The following SCN10A variants were observed in gnomAD, a reference collection of about 807,000 sequenced individuals.
SCN10A encodes the protein sodium voltage-gated channel alpha subunit 10.
A neutral mutation model predicts 170.7 loss-of-function variants in SCN10A; 162 were observed. The ratio of observed to expected loss-of-function variants is 0.95; its 90% CI spans 0.84 to 1.08. The LOEUF is 1.08. SCN10A is among the 50% of genes least tolerant of loss of function. SCN10A has a pLI of 0.00. For synonymous variants in SCN10A, 985 were observed against 904.6 expected (o/e 1.09, Z -1.59); for missense variants, 2,527 against 2,436.9 (o/e 1.04, Z -0.78).
rs756036768 is a variant in SCN10A, at chr3:38,712,222, C to T, written c.4028G>A (p.Trp1343Ter). 1.9e-6 allele frequency: 3 copies of T among 1,614,222 alleles called. No homozygotes were observed. Among genetic ancestry groups the T allele is most frequent in the Admixed American group, 3.3e-5 (2 of 60,030 alleles). ...ATCAAAGTTGACTTTCACATTGACCCAGAAGAAGCTGCCAGTGGAGTTTTG... is the reference window on the plus strand; with the variant it reads ...ATCAAAGTTGACTTTCACATTGACCTAGAAGAAGCTGCCAGTGGAGTTTTG... ...KIQNSTGSFF[W>*]VNVKVNFDNV... The change falls in exon 23 of 28, where the codon TGG (tryptophan) becomes TAG (stop). Residue 1343 changes from tryptophan (W) to a stop codon, truncating the protein, a stop_gained. Coordinates refer to ENST00000449082, the MANE Select transcript of SCN10A (RefSeq NM_006514.4). LOFTEE classifies it high-confidence loss of function.
At chr3:38,796,238 A>G (rs1352911649) in intron 1 of SCN10A, among the ~76,000 whole-genome samples, 1 of 152,046 alleles carries the variant, frequency 6.6e-6, no homozygotes, top group Non-Finnish European at 1.5e-5. Flanking sequence ...GTGTCTGTCC[A>G]CAACCTGGGT....
chr3:38,744,524 G>A (rs2063667069), intron 13 of SCN10A, among the ~76,000 whole-genome samples: 1 of 147,666 alleles, frequency 6.8e-6, no homozygotes, highest in Non-Finnish European at 1.5e-5. Context: ...TATACTTTAA[G>A]TTTTAGGGTA....
At chr3:38,709,699 C>G (rs75074341) in intron 24 of SCN10A, 84 bp from the exon 25 acceptor site, 2 of 1,279,938 alleles carry the variant, frequency 1.6e-6, no homozygotes, top group East Asian at 2.7e-5. Context: ...AGACATGGAC[C>G]TGGGTGCAGG....
chr3:38,756,362 C>G (rs1254748409), intron 10 of SCN10A, among the ~76,000 whole-genome samples: 3 of 152,098 alleles, frequency 2.0e-5, no homozygotes, highest in South Asian at 2.1e-4. Flanking sequence ...AGGTCATGCC[C>G]CAGAGTTCCC....
chr3:38,698,105 G>A lies in SCN10A; in HGVS notation c.5115C>T (p.Tyr1705=). ...CCATGATGAGGAAGGAGATGATGAT[G>A]TAGGTGGTGAAGAAGATGATGCCTA... The part of the protein sequence containing the change: ...PAVGIIFFTT[Y]IIISFLIMVN... Residue 1705 remains tyrosine (Y), a synonymous_variant, in exon 28 of 28, where the codon TAC becomes TAT. Coordinates refer to ENST00000449082, the MANE Select transcript of SCN10A (RefSeq NM_006514.4). 6.2e-7 allele frequency: 1 copy of A among 1,614,110 alleles called. No homozygotes were observed. Among genetic ancestry groups the A allele is most frequent in the Non-Finnish European group, 8.5e-7 (1 of 1,179,966 alleles).
intron 18 of SCN10A, among the ~76,000 whole-genome samples, chr3:38,724,227 G>A (rs2125999110): frequency 6.6e-6 from 1 of 152,158 alleles, no homozygotes; most frequent in Non-Finnish European, 1.5e-5. Flanking sequence ...ACCCTGCTGT[G>A]GTCAGCCTTG....
At chr3:38,807,949 C>T (rs2064416011) in intron 1 of SCN10A, among the ~76,000 whole-genome samples, 1 of 151,992 alleles carries the variant, frequency 6.6e-6, no homozygotes. Context: ...TCTTTTTTGC[C>T]TACTTTCATA....
rs1053714307 is a variant in SCN10A, at chr3:38,738,424, G to A, written c.2280+1091C>T. Among the ~76,000 whole-genome samples the A allele has an allele frequency of 3.3e-5, 5 of 152,098 alleles. No individual in the cohort carries two copies. In the East Asian group the frequency reaches 5.8e-4, roughly 18 times the overall value. On this transcript the variant is annotated intron_variant, in intron 15 of 27. Coordinates refer to ENST00000449082, the MANE Select transcript of SCN10A (RefSeq NM_006514.4). ...AGTTTGCCACCCCTAATCCAGGTAC[G>A]CCAAGTTCAGGGGCTCAGCACTGTC...
At chr3:38,791,978 T>C (rs761316770) in intron 3 of SCN10A, 72 bp downstream of exon 3, 4 of 1,560,048 alleles carry the variant, frequency 2.6e-6, no homozygotes, top group Non-Finnish European at 2.6e-6. Flanking sequence ...TGCTAACCTC[T>C]AAAGAAGGTA....
chr3:38,755,216 A>G (rs545944280), intron 11 of SCN10A, among the ~76,000 whole-genome samples: 1 of 152,190 alleles, frequency 6.6e-6, no homozygotes, highest in East Asian at 1.9e-4. Context: ...ATTATACCCA[A>G]TAATTATATA....
At chr3:38,761,423 T>G in intron 6 of SCN10A, 40 bp from the exon 7 acceptor site, 1 of 1,555,094 alleles carries the variant, frequency 6.4e-7, no homozygotes, top group Non-Finnish European at 8.8e-7. Flanking sequence ...ATGGATGAGG[T>G]AGCACACACG....
chr3:38,707,538 A>T (rs1186769548), intron 25 of SCN10A, among the ~76,000 whole-genome samples, 155 bp from the exon 26 acceptor site: 3 of 152,150 alleles, frequency 2.0e-5, no homozygotes, highest in Non-Finnish European at 4.4e-5. Context: ...TGCCACATCC[A>T]GTGTCGGAAC....
At chr3:38,767,644 G>T (rs2063947901) in intron 5 of SCN10A, among the ~76,000 whole-genome samples, 1 of 152,046 alleles carries the variant, frequency 6.6e-6, no homozygotes, top group African/African-American at 2.4e-5. Flanking sequence ...ATTGAGATTT[G>T]TTATGTTATC....
At chr3:38,757,548 T>C (rs1052541485) in intron 8 of SCN10A, among the ~76,000 whole-genome samples, 83 of 152,352 alleles carry the variant, frequency 5.4e-4, no homozygotes, top group African/African-American at 1.9e-3. Flanking sequence ...TTAGCCAAGT[T>C]CACTGATTAA....
intron 5 of SCN10A, among the ~76,000 whole-genome samples, chr3:38,765,979 G>GTT (rs112962289): frequency 0.034 from 4,906 of 145,182 alleles, 111 homozygotes; most frequent in Non-Finnish European, 0.049. Flanking sequence ...TTTTATTTTT[G>GTT]TTTTTTTTTT....
At chr3:38,801,778 G>A (rs147851551) in intron 1 of SCN10A, among the ~76,000 whole-genome samples, 45 of 152,266 alleles carry the variant, frequency 3.0e-4, no homozygotes, top group African/African-American at 1.1e-3. Flanking sequence ...TAATTAGTAA[G>A]CAAAAGTGTA....
At chr3:38,804,740 T>C (rs550165061) in intron 1 of SCN10A, among the ~76,000 whole-genome samples, 1 of 152,240 alleles carries the variant, frequency 6.6e-6, no homozygotes, top group South Asian at 2.1e-4. Context: ...TGTCTTATGT[T>C]CAATAACAAC....
At chr3:38,762,393 AG>A (rs1253447903) in intron 6 of SCN10A, among the ~76,000 whole-genome samples, 1 of 152,172 alleles carries the variant, frequency 6.6e-6, no homozygotes, top group African/African-American at 2.4e-5. Context: ...AGTGTGAGGA[AG>A]GTGGGAAAAC....
rs990959866 is a variant in SCN10A at position 38,722,409 on chromosome 3, C to G, written c.3356G>C (p.Cys1119Ser). 1.9e-6 allele frequency: 3 copies of G among 1,613,232 alleles called. No individual in the cohort carries two copies. The highest frequency in any genetic ancestry group is 2.7e-5 in the African/African-American group (2 of 75,026). Residue 1119 changes from cysteine (C) to serine (S), a missense_variant, in exon 20 of 28, where the codon TGC becomes TCC. Cys to Ser is a moderately radical substitution (Grantham distance 112). Coordinates refer to ENST00000449082, the MANE Select transcript of SCN10A (RefSeq NM_006514.4). ...EEPDDCFTEGCIRHCPCCKLD... is the reference protein window; with the variant it reads ...EEPDDCFTEGSIRHCPCCKLD... ...TTTGCAGCAGGGACAGTGGCGAATG[C>G]ATCCTGTGGGGAGAGGTGACTGATG...
Sources: allele counts gnomAD v4.1 joint callset (sites outside exome capture counted in the v4.1 genomes callset), GRCh38; gene constraint gnomAD v4.1.1; transcripts MANE v1.5; gene names NCBI Gene and HGNC (gene_info 2026-07-23, HGNC 2026-07-21).